Variants in SBF2 observed in about 807,000 individuals in gnomAD.
SBF2 encodes the protein myotubularin-related protein 13.
A neutral mutation model predicts 225.2 loss-of-function variants in SBF2; 112 were observed. That is an observed-to-expected ratio of 0.50 (90% CI 0.43 to 0.58). The LOEUF (loss-of-function observed/expected upper bound fraction) is 0.58, where lower values mean the gene tolerates loss of function less well. Among genes scored for constraint, SBF2 ranks in the 20% least tolerant of loss-of-function variants. The pLI is 0.00. For synonymous variants in SBF2, 763 were observed against 773.3 expected, an observed-to-expected ratio of 0.99 and a Z score of 0.22; for missense variants, 1,996 against 2,206.2, an observed-to-expected ratio of 0.90 and a Z score of 1.91.
intron 17 of SBF2, among the ~76,000 whole-genome samples, chr11:9,865,685 T>A: frequency 3.5e-5 from 1 of 28,378 alleles, no homozygotes. Context: ...AGCAAAACTG[T>A]CTCAAAAAAA....
chr11:10,161,814 AATAAT>A (rs1321878111), intron 2 of SBF2, among the ~76,000 whole-genome samples: 6 of 151,116 alleles, frequency 4.0e-5, no homozygotes, highest in Admixed American at 2.6e-4. Flanking sequence ...AAAAAAAAAA[AATAAT>A]AATTAAAAAA....
In SBF2 at chr11:9,804,309, C is replaced by A. The variant is rs535091290; in HGVS notation, c.4443+3691G>T. Among the ~76,000 whole-genome samples the A allele has an allele frequency of 7.2e-5, 11 of 152,300 alleles. No individual in the cohort carries two copies. The South Asian group carries it at 1.7e-3, about 23-fold the overall frequency. On this transcript the variant is annotated intron_variant, in intron 32 of 39. Coordinates refer to ENST00000256190, the MANE Select transcript of SBF2 (RefSeq NM_030962.4). ...GTTTCCATAAAGCAAGCAGCCAGAC[C>A]TACAAGTACTTTCTGGGCCCCAGAC...
intron 26 of SBF2, among the ~76,000 whole-genome samples, chr11:9,833,288 C>T (rs932084860): frequency 2.0e-5 from 3 of 152,110 alleles, no homozygotes; most frequent in African/African-American, 4.8e-5. Context: ...AGAGTACACA[C>T]AGATTAATAA....
chr11:9,900,052 A>AAAAC (rs1224376064), intron 16 of SBF2, among the ~76,000 whole-genome samples: 11 of 151,530 alleles, frequency 7.3e-5, no homozygotes, highest in African/African-American at 1.5e-4. Flanking sequence ...TTTAAAAAAA[A>AAAAC]AAAACAGGAT....
At chr11:9,797,086 G>T (rs1853170953) in intron 32 of SBF2, among the ~76,000 whole-genome samples, 1 of 152,164 alleles carries the variant, frequency 6.6e-6, no homozygotes, top group African/African-American at 2.4e-5. Flanking sequence ...TCAAAAGCTG[G>T]TTCAAATTAA....
At chr11:10,119,206 C>T (rs986628709) in intron 2 of SBF2, among the ~76,000 whole-genome samples, 16 of 152,040 alleles carry the variant, frequency 1.1e-4, no homozygotes, top group Non-Finnish European at 2.1e-4. Context: ...CCAGTTTGTA[C>T]CATGTTTTCT....
intron 16 of SBF2, among the ~76,000 whole-genome samples, chr11:9,933,134 T>A (rs1292523108): frequency 6.6e-6 from 1 of 152,076 alleles, no homozygotes; most frequent in African/African-American, 2.4e-5. Context: ...ATGCACCCAA[T>A]ACAGGAGCAC....
At chr11:9,976,072 CTT>C (rs773334975) in intron 13 of SBF2, among the ~76,000 whole-genome samples, 3 of 128,254 alleles carry the variant, frequency 2.3e-5, no homozygotes, top group Admixed American at 7.8e-5. Context: ...TCTTCTTCTT[CTT>C]TTTTTTTTTT....
intron 1 of SBF2, among the ~76,000 whole-genome samples, chr11:10,242,575 A>G (rs11042686): frequency 0.27 from 41,315 of 151,896 alleles, 6,378 homozygotes; most frequent in Non-Finnish European, 0.35. Flanking sequence ...ACAAGATCCA[A>G]CTGTATGCTG....
At chr11:10,061,418 G>T (rs1047875831) in intron 2 of SBF2, among the ~76,000 whole-genome samples, 1 of 152,188 alleles carries the variant, frequency 6.6e-6, no homozygotes, top group Non-Finnish European at 1.5e-5. Flanking sequence ...GTTTGCAGAT[G>T]ACATGATTCT....
chr11:9,855,019 C>T (rs1857213510), intron 19 of SBF2, among the ~76,000 whole-genome samples: 1 of 152,094 alleles, frequency 6.6e-6, no homozygotes, highest in Non-Finnish European at 1.5e-5. Context: ...ACAGATAGGT[C>T]CTGTATTGAA....
intron 17 of SBF2, among the ~76,000 whole-genome samples, chr11:9,876,741 TTTG>T (rs1192981758): frequency 2.6e-5 from 4 of 152,154 alleles, no homozygotes; most frequent in East Asian, 1.9e-4. Flanking sequence ...TAAGTAGAAC[TTTG>T]TTGTTGTTGT....
intron 6 of SBF2, among the ~76,000 whole-genome samples, chr11:10,024,344 G>C (rs1948969481): frequency 8.2e-6 from 1 of 121,244 alleles, no homozygotes. Flanking sequence ...ACTTAAAATA[G>C]TCAAACTGTG....
In SBF2 at chr11:9,832,348, T is replaced by A. The variant is rs1234031940; in HGVS notation, c.3528A>T (p.Arg1176=). 6.2e-7 allele frequency: 1 copy of A among 1,614,066 alleles called. No homozygotes were observed. Among genetic ancestry groups the A allele is most frequent in the East Asian group, 2.2e-5 (1 of 44,866 alleles). The change falls in exon 27 of 40, where the codon CGA becomes CGT. Residue 1176 remains arginine, a synonymous_variant. Coordinates refer to ENST00000256190, the MANE Select transcript of SBF2 (RefSeq NM_030962.4). The stretch of plus-strand genomic sequence containing the variant: ...AACATACAACAGGCAGGCGATTGTG[T>A]CGATAGCAGCGAGCTACTCTTGGTA... ...SSLPRVARCY[R]HNRLPVVCWK... is the part of the protein sequence containing the mutation.
chr11:10,077,816 A>C (rs1453342707), intron 2 of SBF2, among the ~76,000 whole-genome samples: 1 of 152,370 alleles, frequency 6.6e-6, no homozygotes, highest in African/African-American at 2.4e-5. Flanking sequence ...GAGCTTCTGC[A>C]CAGCAAAAGA....
chr11:10,019,477 A>C (rs182268090), intron 6 of SBF2, among the ~76,000 whole-genome samples: 54 of 152,370 alleles, frequency 3.5e-4, no homozygotes, highest in African/African-American at 1.3e-3. Flanking sequence ...TGCCATTATT[A>C]GTAATAGTTT....
chr11:9,781,764 T>C (rs1852022725), intron 38 of SBF2, 126 bp from the exon 39 acceptor site: 1 of 1,111,046 alleles, frequency 9.0e-7, no homozygotes, highest in African/African-American at 1.6e-5. Context: ...CCTCGAAGAA[T>C]ACACAAAAAA....
At chr11:10,084,807 T>A (rs1229378952) in intron 2 of SBF2, among the ~76,000 whole-genome samples, 1 of 152,224 alleles carries the variant, frequency 6.6e-6, no homozygotes, top group East Asian at 1.9e-4. Flanking sequence ...TGGAGGCTGT[T>A]ATCTTAAGTG....
chr11:10,074,716 A>C (rs1951029287), intron 2 of SBF2, among the ~76,000 whole-genome samples: 1 of 152,206 alleles, frequency 6.6e-6, no homozygotes, highest in South Asian at 2.1e-4. Context: ...AAATGTGTAC[A>C]TTAGATTCCC....
Sources: allele counts gnomAD v4.1 joint callset (sites outside exome capture counted in the v4.1 genomes callset), GRCh38; gene constraint gnomAD v4.1.1; transcripts MANE v1.5; gene names NCBI Gene and HGNC (gene_info 2026-07-23, HGNC 2026-07-21).